The following ROBO2 variants were observed in gnomAD, a reference collection of about 807,000 sequenced individuals.
ROBO2 encodes the protein roundabout guidance receptor 2.
A neutral mutation model predicts 160.8 loss-of-function variants in ROBO2; 53 were observed. The ratio of observed to expected loss-of-function variants is 0.33; its 90% CI spans 0.26 to 0.41. ROBO2 has a LOEUF of 0.41. ROBO2 is among the 10% of genes least tolerant of loss of function. ROBO2 has a pLI of 1.00. For synonymous variants in ROBO2, 664 were observed against 611.7 expected (o/e 1.09, Z -1.26); for missense variants, 1,577 against 1,722.4 (o/e 0.92, Z 1.49).
Position 76,387,040 on chromosome 3 carries a change from G to C in ROBO2, c.109+449438G>C, listed in dbSNP as rs542656346. On this transcript the variant is annotated intron_variant, in intron 2 of 26. Coordinates refer to the ROBO2 transcript ENST00000487694. ...TCTGTTTCTCACAGTTCTAGAGGCTGGGAAGTCCAAGATGAAGGTGCTGGC... is the reference window on the plus strand; with the variant it reads ...TCTGTTTCTCACAGTTCTAGAGGCTCGGAAGTCCAAGATGAAGGTGCTGGC... Among the ~76,000 whole-genome samples the C allele has an allele frequency of 9.9e-5, 15 of 152,254 alleles. No individual in the cohort carries two copies. The South Asian group carries it at 2.5e-3, about 25-fold the overall frequency.
intron 2 of ROBO2, among the ~76,000 whole-genome samples, chr3:76,171,970 A>G (rs527421257): frequency 2.0e-5 from 3 of 152,230 alleles, no homozygotes; most frequent in African/African-American, 7.2e-5. Flanking sequence ...CTTGTAAAGA[A>G]CATACCCAAG....
intron 1 of ROBO2, among the ~76,000 whole-genome samples, chr3:75,926,333 T>C (rs748200683): frequency 6.6e-6 from 1 of 152,204 alleles, no homozygotes; most frequent in Non-Finnish European, 1.5e-5. Flanking sequence ...GTATGGTTTA[T>C]TTAATCACCC....
At chr3:76,064,458 C>G (rs548454642) in intron 2 of ROBO2, among the ~76,000 whole-genome samples, 88 of 152,206 alleles carry the variant, frequency 5.8e-4, no homozygotes, top group Admixed American at 2.6e-3. Context: ...CTGGGCCAAG[C>G]TACTAGGTAG....
At chr3:76,441,394 G>A (rs1458144212) in intron 2 of ROBO2, among the ~76,000 whole-genome samples, 1 of 152,142 alleles carries the variant, frequency 6.6e-6, no homozygotes, top group African/African-American at 2.4e-5. Flanking sequence ...TTAATTCAAA[G>A]CTTGTATAAA....
At chr3:75,984,211 A>T (rs1201086674) in intron 2 of ROBO2, among the ~76,000 whole-genome samples, 1 of 151,572 alleles carries the variant, frequency 6.6e-6, no homozygotes, top group Non-Finnish European at 1.5e-5. Context: ...GCAGCCACAT[A>T]TGTACTAATT....
At chr3:76,306,097 T>G (rs2071331050) in intron 2 of ROBO2, among the ~76,000 whole-genome samples, 1 of 152,170 alleles carries the variant, frequency 6.6e-6, no homozygotes, top group Admixed American at 6.5e-5. Context: ...TTTTTGAGGT[T>G]AAAATTGATC....
chr3:76,416,490 C>T (rs556013828), intron 2 of ROBO2, among the ~76,000 whole-genome samples: 3 of 152,126 alleles, frequency 2.0e-5, no homozygotes, highest in Admixed American at 1.3e-4. Context: ...ACATTTTGAC[C>T]ATTATATTCT....
chr3:76,119,585 A>C (rs893227981), intron 2 of ROBO2, among the ~76,000 whole-genome samples: 1 of 152,000 alleles, frequency 6.6e-6, no homozygotes. Context: ...AAGAAGTTGT[A>C]CTTTTTCTTA....
At chr3:76,871,886 A>C (rs1053851598) in intron 2 of ROBO2, among the ~76,000 whole-genome samples, 1 of 152,218 alleles carries the variant, frequency 6.6e-6, no homozygotes, top group African/African-American at 2.4e-5. Context: ...CTGTGGCTGC[A>C]GATGGCCATA....
chr3:76,763,937 T>G (rs1394352810), intron 2 of ROBO2, among the ~76,000 whole-genome samples: 1 of 151,802 alleles, frequency 6.6e-6, no homozygotes, highest in Non-Finnish European at 1.5e-5. Context: ...GACCTTCTTC[T>G]TATAAATAAT....
At chr3:76,939,634 AT>A (rs1559735211) in intron 2 of ROBO2, among the ~76,000 whole-genome samples, 1 of 152,106 alleles carries the variant, frequency 6.6e-6, no homozygotes, top group Non-Finnish European at 1.5e-5. Flanking sequence ...TGTACAAATT[AT>A]TAGCCAGGCG....
chr3:75,980,589 T>C (rs112824362), intron 2 of ROBO2, among the ~76,000 whole-genome samples: 49 of 151,700 alleles, frequency 3.2e-4, no homozygotes, highest in Middle Eastern at 3.4e-3. Context: ...CGAGTTTCTG[T>C]AGTCAAACTA....
At chr3:76,117,871 G>A (rs922850162) in intron 2 of ROBO2, among the ~76,000 whole-genome samples, 3 of 152,052 alleles carry the variant, frequency 2.0e-5, no homozygotes, top group Non-Finnish European at 4.4e-5. Flanking sequence ...GAGAGAACTG[G>A]CATCGTCTCA....
chr3:76,556,228 C>A (rs1460362820), intron 2 of ROBO2, among the ~76,000 whole-genome samples: 1 of 152,096 alleles, frequency 6.6e-6, no homozygotes, highest in Non-Finnish European at 1.5e-5. Flanking sequence ...CATTTCTAAG[C>A]TGTATATATG....
chr3:76,622,275 A>G lies in ROBO2; in HGVS notation c.110-475739A>G, dbSNP rs1391761093. 3.0e-4 allele frequency among the ~76,000 whole-genome samples: 16 copies of G among 53,204 alleles called. 1 individual carries two copies. The highest frequency in any genetic ancestry group is 1.0e-3 in the African/African-American group (14 of 13,686). 34.9% of individuals were successfully genotyped at this position (53,204 alleles called of 152,430 possible). The stretch of plus-strand genomic sequence containing the variant: ...GAAAGAAAGAAAGAAAGAAAGAAAG[A>G]AAGAAAGAAAGAAAGAAAGAAAGAA... On this transcript the variant is annotated intron_variant, in intron 2 of 26. Transcript: ENST00000487694.
At chr3:76,488,979 G>A (rs987041551) in intron 2 of ROBO2, among the ~76,000 whole-genome samples, 4 of 150,924 alleles carry the variant, frequency 2.7e-5, no homozygotes, top group African/African-American at 7.3e-5. Context: ...ATTATTATGG[G>A]AGGCTGAGGC....
At chr3:76,754,747 T>C (rs2060872869) in intron 2 of ROBO2, among the ~76,000 whole-genome samples, 1 of 151,894 alleles carries the variant, frequency 6.6e-6, no homozygotes, top group African/African-American at 2.4e-5. Context: ...ATAGCTGAAT[T>C]TGAGACTCAT....
chr3:76,576,141 G>T (rs9850248), intron 2 of ROBO2, among the ~76,000 whole-genome samples: 6,811 of 152,018 alleles, frequency 0.045, 179 homozygotes, highest in African/African-American at 0.067. Context: ...TTAACTGAAG[G>T]AATTACTATA....
chr3:76,772,014 A>G (rs994475614), intron 2 of ROBO2, among the ~76,000 whole-genome samples: 20 of 151,284 alleles, frequency 1.3e-4, no homozygotes, highest in Non-Finnish European at 5.9e-5. Flanking sequence ...TACTAATCAA[A>G]ATAGCATTAA....
Sources: allele counts gnomAD v4.1 joint callset (sites outside exome capture counted in the v4.1 genomes callset), GRCh38; gene constraint gnomAD v4.1.1; transcripts MANE v1.5; gene names NCBI Gene and HGNC (gene_info 2026-07-23, HGNC 2026-07-21).